SMIM35: variants seen among roughly 807,000 people sequenced by gnomAD.
The protein encoded by SMIM35 is small integral membrane protein 35.
chr11:118,052,145 G>A (rs147523179), intron 1 of SMIM35, among the ~76,000 whole-genome samples: 8 of 152,278 alleles, frequency 5.3e-5, no homozygotes, highest in African/African-American at 1.4e-4. Context: ...TGCGGGTAGC[G>A]GGTGCTCTTT....
At chr11:118,034,904 A>G (rs1340301483) in intron 1 of SMIM35, among the ~76,000 whole-genome samples, 1 of 152,050 alleles carries the variant, frequency 6.6e-6, no homozygotes, top group Non-Finnish European at 1.5e-5. Context: ...CTTGCCAGTT[A>G]GTAAGTCCAA....
chr11:118,085,628 C>A (rs192684004), intron 1 of SMIM35, among the ~76,000 whole-genome samples: 2 of 152,346 alleles, frequency 1.3e-5, no homozygotes, highest in East Asian at 1.9e-4. Flanking sequence ...GGCAGGTCCT[C>A]AGTTCAGGTA....
chr11:118,048,305 T>C (rs973767851), intron 1 of SMIM35, among the ~76,000 whole-genome samples: 5 of 152,160 alleles, frequency 3.3e-5, no homozygotes, highest in African/African-American at 1.2e-4. Flanking sequence ...AGGTCAGGAG[T>C]TTGAGTCCAG....
chr11:118,083,706 C>A (rs1945328269), intron 1 of SMIM35, among the ~76,000 whole-genome samples: 1 of 152,104 alleles, frequency 6.6e-6, no homozygotes, highest in Admixed American at 6.5e-5. Flanking sequence ...CAGAAAGTTG[C>A]CTTACTAAAT....
At chr11:118,039,615 C>T (rs188898658) in intron 1 of SMIM35, among the ~76,000 whole-genome samples, 5 of 151,152 alleles carry the variant, frequency 3.3e-5, no homozygotes, top group East Asian at 3.9e-4. Context: ...GAAGCTGAGG[C>T]GGGAGGATTA....
At chr11:118,013,232 G>A (rs1022499768) in intron 4 of SMIM35, among the ~76,000 whole-genome samples, 3 of 152,194 alleles carry the variant, frequency 2.0e-5, no homozygotes, top group Non-Finnish European at 2.9e-5. Flanking sequence ...GAGCCTGGGA[G>A]GGGCAAGAAC....
chr11:118,034,650 G>C (rs1217398573), intron 1 of SMIM35, among the ~76,000 whole-genome samples: 8 of 152,206 alleles, frequency 5.3e-5, no homozygotes, highest in Non-Finnish European at 1.0e-4. Flanking sequence ...GTTGCAGTGA[G>C]CTAAGATTGT....
At chr11:118,046,533 C>CGCCTGGATATCAAGAACCTT (rs1441877912) in intron 1 of SMIM35, among the ~76,000 whole-genome samples, 12 of 152,264 alleles carry the variant, frequency 7.9e-5, no homozygotes, top group African/African-American at 2.9e-4. Flanking sequence ...CCTCAACAGA[C>CGCCTGGATATCAAGAACCTT]GCCTGGATAT....
intron 1 of SMIM35, among the ~76,000 whole-genome samples, chr11:118,043,944 TG>T (rs1188160993): frequency 6.6e-6 from 1 of 151,638 alleles, no homozygotes; most frequent in African/African-American, 2.4e-5. Context: ...ACTGTAATGG[TG>T]GCTGCAGATA....
intron 4 of SMIM35, among the ~76,000 whole-genome samples, chr11:118,008,865 T>C (rs1383733007): frequency 1.3e-5 from 2 of 152,240 alleles, no homozygotes; most frequent in African/African-American, 4.8e-5. Context: ...GCAAGGTTAA[T>C]TTCAGGGAGA....
At chr11:118,044,730 C>T (rs7926330) in intron 1 of SMIM35, among the ~76,000 whole-genome samples, 34,418 of 145,246 alleles carry the variant, frequency 0.24, 4,600 homozygotes, top group Non-Finnish European at 0.31. Flanking sequence ...GCCGAGACTG[C>T]ACCACTGTAC....
chr11:118,068,913 A>G lies in SMIM35; in HGVS notation c.7+17838T>C, dbSNP rs1331131601. 2.0e-5 allele frequency among the ~76,000 whole-genome samples: 3 copies of G among 152,272 alleles called. No homozygotes were observed. The East Asian group carries it at 5.8e-4, about 29-fold the overall frequency. On this transcript the variant is annotated intron_variant, in intron 1 of 4. Transcript: ENST00000689828. ...TCAAGCCAGAGCCACCAGCATTATC[A>G]ATACATTATCATCCGTGGGATTTGG... is the stretch of plus-strand genomic sequence containing the variant.
At chr11:118,050,189 T>C (rs1488928290) in intron 1 of SMIM35, among the ~76,000 whole-genome samples, 2 of 152,222 alleles carry the variant, frequency 1.3e-5, no homozygotes, top group Admixed American at 6.5e-5. Context: ...TGGTGAGTGA[T>C]GTATACCTCG....
chr11:118,020,323 CG>C (rs1436392783), intron 1 of SMIM35, among the ~76,000 whole-genome samples: 1 of 152,082 alleles, frequency 6.6e-6, no homozygotes, highest in Non-Finnish European at 1.5e-5. Context: ...GTAAAATAAA[CG>C]CTCCACTCTA....
intron 1 of SMIM35, among the ~76,000 whole-genome samples, chr11:118,017,254 G>A (rs536419931): frequency 2.2e-4 from 33 of 152,250 alleles, no homozygotes; most frequent in African/African-American, 6.7e-4. Context: ...CTCCAAAGTC[G>A]AGCCCCGGGA....
intron 4 of SMIM35, among the ~76,000 whole-genome samples, chr11:118,012,714 T>C (rs575488776): frequency 2.2e-3 from 338 of 152,190 alleles, no homozygotes; most frequent in Non-Finnish European, 3.2e-3. Flanking sequence ...GGGTTGAAAG[T>C]GCTGGAATCA....
chr11:118,028,687 T>G, intron 1 of SMIM35: 1 of 283,924 alleles, frequency 3.5e-6, no homozygotes, highest in Non-Finnish European at 7.1e-6. Context: ...GAGGAGAAGG[T>G]GGAGAGGAAA....
chr11:118,024,958 A>G (rs2058262525), intron 1 of SMIM35, among the ~76,000 whole-genome samples: 1 of 148,286 alleles, frequency 6.7e-6, no homozygotes, highest in Non-Finnish European at 1.5e-5. Context: ...CCCAGTGTCT[A>G]TTTTTCCCTG....
intron 4 of SMIM35, among the ~76,000 whole-genome samples, chr11:118,011,332 C>A (rs1440231877): frequency 6.6e-6 from 1 of 152,156 alleles, no homozygotes; most frequent in Non-Finnish European, 1.5e-5. Flanking sequence ...CTTCCGGGGG[C>A]CTAGGGTGGC....
Sources: allele counts gnomAD v4.1 joint callset (sites outside exome capture counted in the v4.1 genomes callset), GRCh38; gene constraint gnomAD v4.1.1; transcripts MANE v1.5; gene names NCBI Gene and HGNC (gene_info 2026-07-23, HGNC 2026-07-21).